Variants in BICRA observed in about 807,000 individuals in gnomAD.
BICRA encodes BRD4-interacting chromatin-remodeling complex-associated protein.
BICRA carries 31 observed loss-of-function variants against 96.9 expected under a neutral mutation model. The observed-to-expected ratio is 0.32, with a 90% confidence interval of 0.24 to 0.43. The LOEUF is 0.43. Ranked by LOEUF, BICRA falls within the 20% of genes least tolerant of loss-of-function variation. The probability of loss-of-function intolerance (pLI) is 1.00; values close to 1 mark genes in which losing one functional copy is unlikely to be tolerated. For synonymous variants in BICRA, 1,350 were observed against 1,071.8 expected (o/e 1.26, Z -5.07); for missense variants, 2,283 against 2,190.3 (o/e 1.04, Z -0.84).
Position 47,698,590 on chromosome 19 carries a change from CCCCA to C in BICRA, c.3249-40_3249-37del. On this transcript the variant is annotated intron_variant, in intron 11 of 14. Coordinates refer to ENST00000594866, the MANE Select transcript of BICRA (RefSeq NM_001394372.1). This position sits in a 1 kb window ranked among gnomAD's most constrained non-coding sequence, Gnocchi z 4.8. ...ACTTCCCCTGGCCCTCACCCGTCCC[CCCCA>C]CCCTCCGCCGTGTGTGGTCTCTCCC... 1 of 866,660 alleles carries C rather than the reference CCCCA, an allele frequency of 1.2e-6. No homozygotes were observed. Among genetic ancestry groups the C allele is most frequent in the Non-Finnish European group, 2.0e-6 (1 of 512,078 alleles). 53.7% of individuals were successfully genotyped at this position (866,660 alleles called of 1,614,324 possible). A position where few individuals can be genotyped will look rare whatever the true frequency, so the allele number is the denominator to read the frequency against.
chr19:47,658,985 T>G (rs1448749473), intron 1 of BICRA, among the ~76,000 whole-genome samples: 1 of 152,208 alleles, frequency 6.6e-6, no homozygotes, highest in Non-Finnish European at 1.5e-5. Flanking sequence ...GCCTGTACTT[T>G]ACCCTCTCCC....
upstream of BICRA, chr19:47,608,987 C>T (rs1355260429): frequency 6.9e-6 from 1 of 145,420 alleles, no homozygotes; most frequent in African/African-American, 2.5e-5. Flanking sequence ...GGCGCGGGCC[C>T]GGGGCGCGCG....
Position 47,702,461 on chromosome 19 carries a change from G to A in BICRA, c.*46G>A, listed in dbSNP as rs770758860. 4 of 1,426,698 alleles carry A rather than the reference G, an allele frequency of 2.8e-6. No individual in the cohort carries two copies. The highest frequency in any genetic ancestry group is 1.5e-5 in the African/African-American group (1 of 66,168). The allele number at this position is 1,426,698 out of a possible 1,614,324, so 88.4% of individuals were successfully genotyped here. The stretch of plus-strand genomic sequence containing the variant: ...CCCGTCCCCTCCTCCCGAAGACGCC[G>A]GGACAGTCGGGTGTCCGCCCTCAGC... On this transcript the variant is annotated 3_prime_UTR_variant, in exon 15 of 15. Transcript: ENST00000594866.
At position 47,699,585 on chromosome 19, in the gene BICRA, C is replaced by A. The variant is rs914763540; in HGVS notation, c.3595+180C>A. On this transcript the variant is annotated intron_variant, in intron 14 of 14. Coordinates refer to ENST00000594866, the MANE Select transcript of BICRA (RefSeq NM_001394372.1). This position sits in a 1 kb window ranked among gnomAD's most constrained non-coding sequence, Gnocchi z 5.0. Reference sequence around the variant, plus strand: ...CTCCCCTGACCTCCCGCCTCTCAGACCAGATAGCCCACATCCATCTTCCTC... The same window carrying A: ...CTCCCCTGACCTCCCGCCTCTCAGAACAGATAGCCCACATCCATCTTCCTC... Among the ~76,000 whole-genome samples the A allele has an allele frequency of 2.6e-5, 4 of 152,162 alleles. No individual in the cohort carries two copies. The highest frequency in any genetic ancestry group is 4.4e-5 in the Non-Finnish European group (3 of 68,036).
At chr19:47,629,077 C>T (rs1015859503) in intron 1 of BICRA, among the ~76,000 whole-genome samples, 1 of 152,180 alleles carries the variant, frequency 6.6e-6, no homozygotes, top group Non-Finnish European at 1.5e-5. Context: ...TCTCGGCTCA[C>T]TGCAAGCTCC....
chr19:47,652,509 T>A (rs537421774), intron 1 of BICRA, among the ~76,000 whole-genome samples: 1 of 152,248 alleles, frequency 6.6e-6, no homozygotes, highest in East Asian at 1.9e-4. Context: ...TGTATAGACA[T>A]CAGCAGTCAG....
At position 47,616,499 on chromosome 19, in the gene BICRA, C is replaced by T. The variant is rs577127610; in HGVS notation, c.-108+7331C>T. Among the ~76,000 whole-genome samples the T allele has an allele frequency of 8.5e-4, 129 of 152,130 alleles. 1 individual carries two copies. Among genetic ancestry groups the T allele is most frequent in the African/African-American group, 3.0e-3 (126 of 41,516 alleles). On this transcript the variant is annotated intron_variant, in intron 1 of 14. Coordinates refer to ENST00000594866, the MANE Select transcript of BICRA (RefSeq NM_001394372.1). ...TAAAAATACAAAAAAATTAGCCAGG[C>T]GTGGTGGCGCATGCTTGTAATCCCA... is the stretch of plus-strand genomic sequence containing the variant.
chr19:47,629,688 C>T lies in BICRA; in HGVS notation c.-108+20520C>T, dbSNP rs779541693. Among the ~76,000 whole-genome samples, 125 of 151,822 alleles carry T rather than the reference C, an allele frequency of 8.2e-4. 1 individual carries two copies. Among genetic ancestry groups the T allele is most frequent in the Admixed American group, 2.8e-3 (43 of 15,210 alleles). ...TGTGGTTTTTTTTGAGACGGAGTCT[C>T]GCTCTGTCGCCCAGGCTGGAGTACA... On this transcript the variant is annotated intron_variant, in intron 1 of 14. Coordinates refer to ENST00000594866, the MANE Select transcript of BICRA (RefSeq NM_001394372.1).
rs113643041 is a variant in BICRA, at chr19:47,690,591, G to C, written c.2284-3524G>C. Among the ~76,000 whole-genome samples the C allele has an allele frequency of 1.4e-3, 212 of 152,254 alleles. 1 individual carries two copies. The highest frequency in any genetic ancestry group is 4.9e-3 in the African/African-American group (203 of 41,534). ...GTGCATTTCTCTTATTACAAGTGAG[G>C]TTGAGTAGCTCTGAAAATACTTAAG... On this transcript the variant is annotated intron_variant, in intron 7 of 14. Transcript: ENST00000594866.
intron 5 of BICRA, among the ~76,000 whole-genome samples, chr19:47,678,398 G>T (rs952676122): frequency 1.3e-5 from 2 of 152,170 alleles, no homozygotes; most frequent in Admixed American, 1.3e-4. Context: ...TTACAGGTGT[G>T]AGCCACCGTG....
intron 1 of BICRA, among the ~76,000 whole-genome samples, chr19:47,626,866 C>T (rs1215883012): frequency 1.3e-5 from 2 of 151,786 alleles, no homozygotes; most frequent in African/African-American, 4.8e-5. Flanking sequence ...GGATTACAGG[C>T]GCCCACCACC....
Position 47,679,910 on chromosome 19 carries a change from C to T in BICRA, c.740C>T (p.Thr247Met). 1.3e-6 allele frequency: 2 copies of T among 1,521,894 alleles called. No homozygotes were observed. Among genetic ancestry groups the T allele is most frequent in the Non-Finnish European group, 8.8e-7 (1 of 1,141,238 alleles). 94.3% of individuals were successfully genotyped at this position (1,521,894 alleles called of 1,614,324 possible). ...VVGQPVMALN[T>M]PTSQLLAKQV... Reference sequence around the variant, plus strand: ...GGCCAGCCCGTCATGGCGCTCAACACGCCCACCTCCCAGCTCCTGGCCAAG... The same window carrying T: ...GGCCAGCCCGTCATGGCGCTCAACATGCCCACCTCCCAGCTCCTGGCCAAG... Residue 247 changes from threonine (T) to methionine (M), a missense_variant, in exon 6 of 15, where the codon ACG becomes ATG. Coordinates refer to ENST00000594866, the MANE Select transcript of BICRA (RefSeq NM_001394372.1).
chr19:47,701,911 G>A lies in BICRA; in HGVS notation c.4179G>A (p.Glu1393=). ...TGCCACTGCGCAAGACCTACCGCGAGAACGTGGGGGGCCCTGGCGCGCCGG... is the reference window on the plus strand; with the variant it reads ...TGCCACTGCGCAAGACCTACCGCGAAAACGTGGGGGGCCCTGGCGCGCCGG... The part of the protein sequence containing the change: ...PRLPLRKTYR[E]NVGGPGAPEG... Residue 1393 remains glutamate, a synonymous_variant, in exon 15 of 15, where the codon GAG becomes GAA. Coordinates refer to ENST00000594866, the MANE Select transcript of BICRA (RefSeq NM_001394372.1). The surrounding 1 kb of genome is among the most constrained non-coding windows in gnomAD (Gnocchi z 5.4). 6.9e-7 allele frequency: 1 copy of A among 1,439,642 alleles called. No homozygotes were observed. The highest frequency in any genetic ancestry group is 9.0e-7 in the Non-Finnish European group (1 of 1,105,062). The allele number at this position is 1,439,642 out of a possible 1,614,324, so 89.2% of individuals were successfully genotyped here. A position where few individuals can be genotyped will look rare whatever the true frequency, so the allele number is the denominator to read the frequency against.
chr19:47,641,319 T>G (rs1972383453), intron 1 of BICRA, among the ~76,000 whole-genome samples: 1 of 152,122 alleles, frequency 6.6e-6, no homozygotes, highest in Non-Finnish European at 1.5e-5. Flanking sequence ...TGTGTACCAT[T>G]ATTAACCATC....
rs1430672945 is a variant in BICRA, at chr19:47,682,079, C to G, written c.2210C>G (p.Thr737Ser). ...PPPAQDPAPATPVAKGAGLGP... is the reference protein window; with the variant it reads ...PPPAQDPAPASPVAKGAGLGP... Reference sequence around the variant, plus strand: ...CCCGCCCAAGACCCAGCCCCAGCCACCCCCGTCGCCAAAGGAGCTGGCCTC... The same window carrying G: ...CCCGCCCAAGACCCAGCCCCAGCCAGCCCCGTCGCCAAAGGAGCTGGCCTC... Residue 737 changes from threonine (T) to serine (S), a missense_variant, in exon 7 of 15, where the codon ACC becomes AGC. Coordinates refer to ENST00000594866, the MANE Select transcript of BICRA (RefSeq NM_001394372.1). The G allele has an allele frequency of 1.3e-6, 2 of 1,514,824 alleles. No homozygotes were observed. Among genetic ancestry groups the G allele is most frequent in the Admixed American group, 3.8e-5 (2 of 53,292 alleles). 93.8% of individuals were successfully genotyped at this position (1,514,824 alleles called of 1,614,324 possible).
intron 1 of BICRA, among the ~76,000 whole-genome samples, chr19:47,620,330 G>C (rs1896857444): frequency 6.6e-6 from 1 of 152,024 alleles, no homozygotes; most frequent in African/African-American, 2.4e-5. Flanking sequence ...GGAGAAAGGG[G>C]AGCAGAGACC....
In BICRA at chr19:47,703,058, G is replaced by C. The variant is rs1029618031; in HGVS notation, c.*643G>C. ...GAAATCTGAGCAAAACAAGAAACTG[G>C]GGTCTTCCTCTCCCCCGAACCTCTC... On this transcript the variant is annotated 3_prime_UTR_variant, in exon 15 of 15. Coordinates refer to ENST00000594866, the MANE Select transcript of BICRA (RefSeq NM_001394372.1). 6.6e-6 allele frequency: 1 copy of C among 152,620 alleles called. No individual in the cohort carries two copies. Among genetic ancestry groups the C allele is most frequent in the African/African-American group, 2.4e-5 (1 of 41,398 alleles). The allele number at this position is 152,620 out of a possible 1,614,324, so 9.5% of individuals were successfully genotyped here. A position where few individuals can be genotyped will look rare whatever the true frequency, so the allele number is the denominator to read the frequency against.
At position 47,698,165 on chromosome 19, in the gene BICRA, C is replaced by G. The variant is rs1409363922; in HGVS notation, c.3249-469C>G. ...CTGCCTGGTGGGGGAGACAGTCACA[C>G]TGCCAACAGACAAAACCCATTGTAA... On this transcript the variant is annotated intron_variant, in intron 11 of 14. Coordinates refer to ENST00000594866, the MANE Select transcript of BICRA (RefSeq NM_001394372.1). This position sits in a 1 kb window ranked among gnomAD's most constrained non-coding sequence, Gnocchi z 4.8. Among the ~76,000 whole-genome samples, 1 of 152,120 alleles carries G rather than the reference C, an allele frequency of 6.6e-6. No homozygotes were observed. Among genetic ancestry groups the G allele is most frequent in the Non-Finnish European group, 1.5e-5 (1 of 68,032 alleles).
In BICRA at chr19:47,695,000, T is replaced by A; in HGVS notation, c.2996T>A (p.Val999Glu). The change falls in exon 9 of 15, where the codon GTG becomes GAG. Residue 999 changes from valine to glutamate, a missense_variant. Coordinates refer to ENST00000594866, the MANE Select transcript of BICRA (RefSeq NM_001394372.1). ...CCCCTCACCAGCCCCGCTGCGTCTG[T>A]GCTGGTCAGTGGGCAGGCCCCATCT... ...LGPLTSPAAS[V>E]LVSGQAPSGT... 1 of 1,540,492 alleles carries A rather than the reference T, an allele frequency of 6.5e-7. No individual in the cohort carries two copies. The highest frequency in any genetic ancestry group is 8.7e-7 in the Non-Finnish European group (1 of 1,153,254).
Sources: gnomAD v4.1 joint callset for allele counts (sites outside exome capture counted in the v4.1 genomes callset) on GRCh38, gnomAD v4.1.1 for gene constraint, Gnocchi (gnomAD v3.1) non-coding constraint, MANE v1.5 for transcripts, NCBI Gene and HGNC (gene_info 2026-07-23, HGNC 2026-07-21) for gene names.